Variants in TMEM132D observed in about 807,000 individuals in gnomAD.
The protein encoded by TMEM132D is transmembrane protein 132D, also known as mature OL transmembrane protein.
Under a neutral mutation model 62.3 loss-of-function variants are expected in TMEM132D, and 21 were observed. The ratio of observed to expected loss-of-function variants is 0.34; its 90% CI spans 0.24 to 0.49. TMEM132D has a LOEUF of 0.49. Ranked by LOEUF, TMEM132D falls within the 20% of genes least tolerant of loss-of-function variation. The pLI, the probability that TMEM132D is intolerant of heterozygous loss-of-function variation, is 0.99. For missense variants in TMEM132D, 1,346 were observed against 1,402.8 expected (o/e 0.96, Z 0.65); for synonymous variants, 621 against 575.6 (o/e 1.08, Z -1.13).
chr12:129,388,336 C>T (rs182891436), intron 3 of TMEM132D, among the ~76,000 whole-genome samples: 1,244 of 77,092 alleles, frequency 0.016, 7 homozygotes, highest in African/African-American at 0.031. Flanking sequence ...ACACTAACAC[C>T]GACACCAATA....
chr12:129,333,677 A>G (rs1212851286), intron 4 of TMEM132D, among the ~76,000 whole-genome samples: 2 of 152,162 alleles, frequency 1.3e-5, no homozygotes, highest in Non-Finnish European at 2.9e-5. Context: ...GCAGCTGGGC[A>G]TCTGGCTCCT....
chr12:129,740,530 TGGA>T (rs1210710866), intron 1 of TMEM132D, among the ~76,000 whole-genome samples: 1 of 152,236 alleles, frequency 6.6e-6, no homozygotes, highest in Non-Finnish European at 1.5e-5. Flanking sequence ...TGACTAGCTG[TGGA>T]AATTTTAATC....
At chr12:129,415,934 A>G (rs10773653) in intron 3 of TMEM132D, among the ~76,000 whole-genome samples, 73,140 of 151,926 alleles carry the variant, frequency 0.48, 18,214 homozygotes, top group East Asian at 0.77. Context: ...CAGCTTAGAG[A>G]CACATTCTGC....
intron 2 of TMEM132D, among the ~76,000 whole-genome samples, chr12:129,691,254 T>C (rs1881054778): frequency 6.6e-6 from 1 of 151,936 alleles, no homozygotes; most frequent in African/African-American, 2.4e-5. Flanking sequence ...TAACCTAATC[T>C]AAAATTAATT....
chr12:129,678,144 C>A (rs1050582113), intron 2 of TMEM132D, among the ~76,000 whole-genome samples: 4 of 151,972 alleles, frequency 2.6e-5, no homozygotes, highest in African/African-American at 7.3e-5. Flanking sequence ...TTAAGTATAT[C>A]TTTTGGTGAA....
chr12:129,708,626 A>AAC (rs1565957160), intron 1 of TMEM132D, among the ~76,000 whole-genome samples: 8 of 88,908 alleles, frequency 9.0e-5, no homozygotes, highest in African/African-American at 3.6e-4. Context: ...AAAAAAAAAA[A>AAC]AAAAACACAC....
intron 2 of TMEM132D, among the ~76,000 whole-genome samples, chr12:129,548,112 A>T (rs1190147544): frequency 6.6e-6 from 1 of 152,182 alleles, no homozygotes; most frequent in Non-Finnish European, 1.5e-5. Context: ...CTGCACATTT[A>T]GTTGTCGCTT....
chr12:129,192,495 T>G (rs1878432014), intron 5 of TMEM132D, among the ~76,000 whole-genome samples: 1 of 152,212 alleles, frequency 6.6e-6, no homozygotes, highest in South Asian at 2.1e-4. Flanking sequence ...AACATTGAAA[T>G]CAAGATTCTG....
At chr12:129,402,601 C>T (rs796150731) in intron 3 of TMEM132D, among the ~76,000 whole-genome samples, 16 of 152,172 alleles carry the variant, frequency 1.1e-4, no homozygotes, top group Non-Finnish European at 2.2e-4. Context: ...GACAGGGTCC[C>T]GCTCTGTCAC....
intron 1 of TMEM132D, among the ~76,000 whole-genome samples, chr12:129,865,910 C>T (rs1874042831): frequency 6.6e-6 from 1 of 152,192 alleles, no homozygotes; most frequent in South Asian, 2.1e-4. Context: ...TCCAGAGCTA[C>T]ATCGTGGTGT....
Position 129,581,197 on chromosome 12 carries a change from C to T in TMEM132D, c.969-49992G>A, listed in dbSNP as rs141878887. Among the ~76,000 whole-genome samples the T allele has an allele frequency of 1.1e-4, 17 of 152,314 alleles. No individual in the cohort carries two copies. In the East Asian group the frequency reaches 3.3e-3, roughly 29 times the overall value. On this transcript the variant is annotated intron_variant, in intron 2 of 8. Coordinates refer to ENST00000422113, the MANE Select transcript of TMEM132D (RefSeq NM_133448.3). ...CTCTCTTGCCCACGTGATCTCTGCA[C>T]AGCCAGCTCTCCTTTTCCTTCGGCC... is the stretch of plus-strand genomic sequence containing the variant.
chr12:129,246,729 G>A (rs1593310468), intron 4 of TMEM132D, among the ~76,000 whole-genome samples: 1 of 151,224 alleles, frequency 6.6e-6, no homozygotes, highest in East Asian at 2.0e-4. Flanking sequence ...TCACACCACT[G>A]TCCTCCAGCC....
intron 5 of TMEM132D, among the ~76,000 whole-genome samples, chr12:129,155,567 A>G (rs1877214820): frequency 6.6e-6 from 1 of 152,204 alleles, no homozygotes; most frequent in Admixed American, 6.5e-5. Context: ...AAAGACATTT[A>G]TGTCTCACAG....
rs151127772 is a variant in TMEM132D, at chr12:129,360,817, T to G, written c.1116-23000A>C. Among the ~76,000 whole-genome samples, 322 of 152,286 alleles carry G rather than the reference T, an allele frequency of 2.1e-3. 2 individuals carry two copies. The highest frequency in any genetic ancestry group is 7.2e-3 in the African/African-American group (299 of 41,558). On this transcript the variant is annotated intron_variant, in intron 3 of 8. Transcript: ENST00000422113. The stretch of plus-strand genomic sequence containing the variant: ...ATTCCTGACCCTTTTCCTGGACGTC[T>G]CCCACTGTGCAATGGCGGCTTTTTC...
At chr12:129,398,559 A>G (rs1360622089) in intron 3 of TMEM132D, among the ~76,000 whole-genome samples, 1 of 152,226 alleles carries the variant, frequency 6.6e-6, no homozygotes, top group Non-Finnish European at 1.5e-5. Context: ...GTTGGCCCAA[A>G]TAATGTGGAC....
rs1879452665 is a variant in TMEM132D at position 129,225,311 on chromosome 12, G to A, written c.1300-15648C>T. Among the ~76,000 whole-genome samples, 3 of 152,222 alleles carry A rather than the reference G, an allele frequency of 2.0e-5. No homozygotes were observed. In the South Asian group the frequency reaches 6.2e-4, roughly 32 times the overall value. On this transcript the variant is annotated intron_variant, in intron 4 of 8. Coordinates refer to ENST00000422113, the MANE Select transcript of TMEM132D (RefSeq NM_133448.3). ...AGAACTCCTCAACCAGCCTGGGAGT[G>A]GAGACAGGCACCTGGCCTGAGGGAT...
At chr12:129,401,275 G>A (rs1871613357) in intron 3 of TMEM132D, among the ~76,000 whole-genome samples, 1 of 152,192 alleles carries the variant, frequency 6.6e-6, no homozygotes, top group Admixed American at 6.5e-5. Flanking sequence ...CATAAGATGT[G>A]GTTTATAAGG....
chr12:129,864,438 AATTG>A (rs1170043188), intron 1 of TMEM132D, among the ~76,000 whole-genome samples: 1 of 152,338 alleles, frequency 6.6e-6, no homozygotes, highest in African/African-American at 2.4e-5. Context: ...GTTTTATAGC[AATTG>A]ATTAATACAC....
At chr12:129,345,442 C>T (rs1181034829) in intron 3 of TMEM132D, among the ~76,000 whole-genome samples, 2 of 152,146 alleles carry the variant, frequency 1.3e-5, no homozygotes, top group African/African-American at 4.8e-5. Context: ...AACACTGGGA[C>T]CAGTTTCAAC....
Sources: gnomAD v4.1 joint callset for allele counts (sites outside exome capture counted in the v4.1 genomes callset) on GRCh38, gnomAD v4.1.1 for gene constraint, MANE v1.5 for transcripts, NCBI Gene and HGNC (gene_info 2026-07-23, HGNC 2026-07-21) for gene names.